The following CHCHD3 variants were observed in gnomAD, a reference collection of about 807,000 sequenced individuals.
CHCHD3 encodes the protein coiled-coil-helix-coiled-coil-helix domain containing 3, also known as MICOS complex subunit MIC19.
In CHCHD3, 20 loss-of-function variants were observed where a neutral mutation model predicts 38.2. That is an observed-to-expected ratio of 0.52 (90% CI 0.37 to 0.76). CHCHD3 has a LOEUF of 0.76. Ranked by LOEUF, CHCHD3 falls within the 30% of genes least tolerant of loss-of-function variation. The pLI is 0.00. For synonymous variants in CHCHD3, 82 were observed against 100.0 expected (o/e 0.82, Z 1.07); for missense variants, 245 against 279.2 (o/e 0.88, Z 0.87).
In CHCHD3 at chr7:132,857,663, G is replaced by A. The variant is rs183887483; in HGVS notation, c.454-19194C>T. 2.2e-3 allele frequency among the ~76,000 whole-genome samples: 330 copies of A among 152,136 alleles called. 1 individual carries two copies. Among genetic ancestry groups the A allele is most frequent in the Non-Finnish European group, 3.8e-3 (258 of 67,986 alleles). ...CCTCAGGTGATCAGCCTGCCTTGGC[G>A]TCCCAAAGTGCTGGGATTACAGGCA... On this transcript the variant is annotated intron_variant, in intron 5 of 7. Transcript: ENST00000262570.
chr7:133,060,867 G>A (rs1814485925), intron 2 of CHCHD3, among the ~76,000 whole-genome samples: 1 of 152,058 alleles, frequency 6.6e-6, no homozygotes, highest in African/African-American at 2.4e-5. Context: ...CCAAGATTGA[G>A]GCATTGCACT....
At chr7:133,068,357 G>C (rs1021441876) in intron 2 of CHCHD3, among the ~76,000 whole-genome samples, 3 of 152,194 alleles carry the variant, frequency 2.0e-5, no homozygotes, top group African/African-American at 7.2e-5. Flanking sequence ...GGTCCCTGGA[G>C]CTTCTCTTCT....
chr7:132,921,150 C>T (rs1261451668), intron 4 of CHCHD3, among the ~76,000 whole-genome samples: 1 of 152,134 alleles, frequency 6.6e-6, no homozygotes, highest in Non-Finnish European at 1.5e-5. Flanking sequence ...TATATGTAAA[C>T]TGAACAATAT....
chr7:133,002,277 G>A (rs1812595274), intron 3 of CHCHD3, among the ~76,000 whole-genome samples: 1 of 152,118 alleles, frequency 6.6e-6, no homozygotes, highest in Non-Finnish European at 1.5e-5. Context: ...TGAAAAACAT[G>A]CTTATCTGGT....
intron 2 of CHCHD3, 128 bp from the exon 3 acceptor site, chr7:133,024,755 C>A: frequency 1.5e-6 from 1 of 686,668 alleles, no homozygotes; most frequent in Non-Finnish European, 2.6e-6. Flanking sequence ...TGGCCAGCGT[C>A]TCCTTGGAAC....
chr7:133,076,927 C>T (rs1432392282), intron 1 of CHCHD3, among the ~76,000 whole-genome samples: 1 of 152,154 alleles, frequency 6.6e-6, no homozygotes, highest in Non-Finnish European at 1.5e-5. Context: ...CCCATTTTTT[C>T]TCTCTTGATC....
intron 3 of CHCHD3, among the ~76,000 whole-genome samples, chr7:132,983,999 A>ACGGTCTCCCTCTCCCCC (rs1811995414): frequency 6.9e-6 from 1 of 145,774 alleles, no homozygotes; most frequent in Non-Finnish European, 1.5e-5. Context: ...CCCTCTCCCC[A>ACGGTCTCCCTCTCCCCC]CGGTCTCCCT....
chr7:133,033,136 A>G (rs1813547348), intron 2 of CHCHD3, among the ~76,000 whole-genome samples: 2 of 152,222 alleles, frequency 1.3e-5, no homozygotes, highest in Non-Finnish European at 2.9e-5. Context: ...AACAGTCTGA[A>G]TCTTGAGTTT....
At chr7:133,071,742 C>A (rs1814823669) in intron 1 of CHCHD3, among the ~76,000 whole-genome samples, 1 of 152,174 alleles carries the variant, frequency 6.6e-6, no homozygotes, top group Non-Finnish European at 1.5e-5. Context: ...TCTTACATAT[C>A]CATACAACAC....
intron 5 of CHCHD3, among the ~76,000 whole-genome samples, chr7:132,841,430 A>AC (rs1356212842): frequency 3.1e-4 from 27 of 87,930 alleles, no homozygotes; most frequent in South Asian, 2.4e-3. Flanking sequence ...AACAACAACA[A>AC]AAAAAAAAAA....
chr7:132,850,539 A>G (rs1456241083), intron 5 of CHCHD3, among the ~76,000 whole-genome samples: 1 of 151,052 alleles, frequency 6.6e-6, no homozygotes, highest in Non-Finnish European at 1.5e-5. Flanking sequence ...GGAAAACCTT[A>G]GTTACATTAC....
intron 6 of CHCHD3, among the ~76,000 whole-genome samples, chr7:132,836,598 A>G (rs1450650999): frequency 6.6e-6 from 1 of 151,970 alleles, no homozygotes; most frequent in Non-Finnish European, 1.5e-5. Context: ...AGCCTCTCCA[A>G]TAGCTGGGAC....
Position 132,975,228 on chromosome 7 carries a change from T to C in CHCHD3, c.310A>G (p.Arg104Gly). ...CATATCCTCTCCCGAAGGATGGCTC[T>C]GGTTAACTGCTCATTGGCAGCAGCC... ...ERAAANEQLTRAILRERICSE... is the reference protein window; with the variant it reads ...ERAAANEQLTGAILRERICSE... The change falls in exon 4 of 8, where the codon AGA (arginine) becomes GGA (glycine). Residue 104 changes from arginine to glycine, a missense_variant. Coordinates refer to ENST00000262570, the MANE Select transcript of CHCHD3 (RefSeq NM_017812.4). 6.2e-7 allele frequency: 1 copy of C among 1,612,876 alleles called. No homozygotes were observed. Among genetic ancestry groups the C allele is most frequent in the East Asian group, 2.2e-5 (1 of 44,888 alleles).
In CHCHD3 at chr7:132,968,847, G is replaced by C. The variant is rs1265817579; in HGVS notation, c.369+6322C>G. Among the ~76,000 whole-genome samples, 3 of 152,170 alleles carry C rather than the reference G, an allele frequency of 2.0e-5. No homozygotes were observed. In the East Asian group the frequency reaches 5.8e-4, roughly 29 times the overall value. On this transcript the variant is annotated intron_variant, in intron 4 of 7. Coordinates refer to ENST00000262570, the MANE Select transcript of CHCHD3 (RefSeq NM_017812.4). Reference sequence around the variant, plus strand: ...AGTTGTTTCCCTTCCTCGTTGGATAGAACCTCACTTGGACAGCAGTAGTGT... The same window carrying C: ...AGTTGTTTCCCTTCCTCGTTGGATACAACCTCACTTGGACAGCAGTAGTGT...
At chr7:133,011,385 C>T (rs1216719204) in intron 3 of CHCHD3, among the ~76,000 whole-genome samples, 2 of 152,182 alleles carry the variant, frequency 1.3e-5, no homozygotes, top group African/African-American at 4.8e-5. Flanking sequence ...ATGGAGGTGA[C>T]TTTGTAATAC....
At chr7:133,025,242 AC>A (rs1813303877) in intron 2 of CHCHD3, among the ~76,000 whole-genome samples, 2 of 152,196 alleles carry the variant, frequency 1.3e-5, no homozygotes, top group African/African-American at 2.4e-5. Context: ...CTTTCTAAAT[AC>A]CTGGTGACTG....
chr7:133,060,375 T>C (rs1462780509), intron 2 of CHCHD3, among the ~76,000 whole-genome samples: 3 of 152,070 alleles, frequency 2.0e-5, no homozygotes, highest in Non-Finnish European at 4.4e-5. Flanking sequence ...TAACGGGCAA[T>C]GGCAGAACCA....
chr7:132,913,267 G>C (rs1291284642), intron 4 of CHCHD3, among the ~76,000 whole-genome samples: 1 of 152,174 alleles, frequency 6.6e-6, no homozygotes, highest in Non-Finnish European at 1.5e-5. Context: ...ACCAAACCCT[G>C]ATTCAAGGAT....
intron 4 of CHCHD3, among the ~76,000 whole-genome samples, chr7:132,948,108 A>C (rs10488214): frequency 0.03 from 4,559 of 152,156 alleles, 430 homozygotes; most frequent in East Asian, 0.21. Flanking sequence ...AAATATACAC[A>C]ATAAACTGAG....
Sources: gnomAD v4.1 joint callset for allele counts (sites outside exome capture counted in the v4.1 genomes callset) on GRCh38, gnomAD v4.1.1 for gene constraint, MANE v1.5 for transcripts, NCBI Gene and HGNC (gene_info 2026-07-23, HGNC 2026-07-21) for gene names.